Variants in OSBPL10 observed in about 807,000 individuals in gnomAD.
The protein encoded by OSBPL10 is oxysterol-binding protein-related protein 10.
Under a neutral mutation model 81.7 loss-of-function variants are expected in OSBPL10, and 49 were observed. The ratio of observed to expected loss-of-function variants is 0.60; its 90% CI spans 0.48 to 0.76. The LOEUF (loss-of-function observed/expected upper bound fraction) is 0.76. OSBPL10 is among the 30% of genes least tolerant of loss of function. The probability of loss-of-function intolerance (pLI) is 0.00; values close to 1 mark genes in which losing one functional copy is unlikely to be tolerated. For missense variants in OSBPL10, 923 were observed against 987.8 expected, an observed-to-expected ratio of 0.93 and a Z score of 0.88; for synonymous variants, 419 against 383.6, an observed-to-expected ratio of 1.09 and a Z score of -1.08.
chr3:31,867,955 T>G (rs1701223725), intron 3 of OSBPL10, among the ~76,000 whole-genome samples: 1 of 151,934 alleles, frequency 6.6e-6, no homozygotes, highest in Admixed American at 6.6e-5. Context: ...AAACATAGAA[T>G]AGGTCTATGG....
At chr3:31,688,539 G>A (rs975187117) in intron 7 of OSBPL10, among the ~76,000 whole-genome samples, 1 of 152,026 alleles carries the variant, frequency 6.6e-6, no homozygotes, top group Non-Finnish European at 1.5e-5. Flanking sequence ...AGCTCTTAGT[G>A]GATAGACACC....
chr3:31,833,698 C>T (rs1445165977), intron 3 of OSBPL10, among the ~76,000 whole-genome samples: 2 of 118,836 alleles, frequency 1.7e-5, no homozygotes, highest in African/African-American at 4.0e-5. Context: ...AACACGCACA[C>T]GCACACGCAC....
At chr3:31,664,024 C>G (rs919463750) in intron 11 of OSBPL10, 55 bp downstream of exon 11, 2 of 1,613,978 alleles carry the variant, frequency 1.2e-6, no homozygotes, top group Non-Finnish European at 1.7e-6. Flanking sequence ...CCCATCTACC[C>G]TCTCAGGACA....
chr3:31,662,378 A>G, intron 11 of OSBPL10: 1 of 1,210,586 alleles, frequency 8.3e-7, no homozygotes. Flanking sequence ...TTCCATCGAG[A>G]CTGATTACTT....
intron 1 of OSBPL10, among the ~76,000 whole-genome samples, chr3:31,915,576 T>C (rs1199270908): frequency 2.0e-5 from 3 of 152,032 alleles, no homozygotes; most frequent in East Asian, 1.9e-4. Flanking sequence ...ATGGACATAA[T>C]GGTGGCAACA....
At chr3:31,766,443 G>T (rs1036979864) in intron 4 of OSBPL10, among the ~76,000 whole-genome samples, 42 of 150,368 alleles carry the variant, frequency 2.8e-4, no homozygotes, top group Middle Eastern at 3.4e-3. Context: ...CCAGGACTCA[G>T]ATGATCCTCT....
chr3:31,836,618 G>C (rs550256040), intron 3 of OSBPL10, among the ~76,000 whole-genome samples: 1 of 146,588 alleles, frequency 6.8e-6, no homozygotes, highest in South Asian at 2.1e-4. Flanking sequence ...TCCCTAGCCA[G>C]TCTCCAGGGC....
At position 31,972,322 on chromosome 3, in the gene OSBPL10, G is replaced by A. The variant is rs571157106; in HGVS notation, c.281+8577C>T. 1.1e-4 allele frequency among the ~76,000 whole-genome samples: 16 copies of A among 152,312 alleles called. No homozygotes were observed. The South Asian group carries it at 2.7e-3, about 26-fold the overall frequency. The stretch of plus-strand genomic sequence containing the variant: ...AAGAATCGCTTGAACCCAGGAGGTG[G>A]AAGTTGCAGTGAGTGGAGATCACGC... On this transcript the variant is annotated intron_variant, in intron 1 of 11. Coordinates refer to ENST00000396556, the MANE Select transcript of OSBPL10 (RefSeq NM_017784.5).
chr3:32,028,927 G>GACACACACACACAC (rs58442955), intron 2 of OSBPL10, among the ~76,000 whole-genome samples: 40 of 105,716 alleles, frequency 3.8e-4, no homozygotes, highest in African/African-American at 1.2e-3. Flanking sequence ...AGCTAGTCAG[G>GACACACACACACAC]ACACACACAC....
chr3:31,753,914 A>G (rs1275404925), intron 4 of OSBPL10, among the ~76,000 whole-genome samples: 2 of 152,168 alleles, frequency 1.3e-5, no homozygotes, highest in African/African-American at 4.8e-5. Flanking sequence ...GGCAAACAAT[A>G]AAGTCAGCCT....
intron 5 of OSBPL10, among the ~76,000 whole-genome samples, chr3:31,740,677 G>A (rs1697313379): frequency 6.6e-6 from 1 of 151,866 alleles, no homozygotes. Flanking sequence ...TGAGGCAGGA[G>A]GATTGGTTGA....
intron 10 of OSBPL10, among the ~76,000 whole-genome samples, chr3:31,666,626 C>A (rs528097871): frequency 6.6e-6 from 1 of 152,118 alleles, no homozygotes; most frequent in Non-Finnish European, 1.5e-5. Flanking sequence ...ATACAGCAGT[C>A]CCCCTTTACC....
At chr3:32,046,719 T>C (rs1216307660) in intron 1 of OSBPL10, 1 of 152,220 alleles carries the variant, frequency 6.6e-6, no homozygotes, top group Non-Finnish European at 1.5e-5. Context: ...TGCCATACAT[T>C]AACCAAGAGG....
chr3:31,989,812 T>C (rs779171468), intron 2 of OSBPL10: 107 of 1,614,010 alleles, frequency 6.6e-5, no homozygotes, highest in Non-Finnish European at 8.3e-5. Flanking sequence ...TAGCTCACTC[T>C]TAAGGAAACA....
intron 4 of OSBPL10, chr3:31,795,084 A>G (rs539306035): frequency 6.1e-6 from 1 of 163,590 alleles, no homozygotes; most frequent in Non-Finnish European, 1.3e-5. Context: ...AGCATGGCCC[A>G]CCCTTTCATG....
intron 1 of OSBPL10, among the ~76,000 whole-genome samples, chr3:31,898,010 A>C (rs75165100): frequency 5.9e-5 from 2 of 34,028 alleles, no homozygotes; most frequent in African/African-American, 4.1e-4. Flanking sequence ...CTCTGTCAAA[A>C]AAAAAAAAAA....
chr3:31,747,902 G>T lies in OSBPL10; in HGVS notation c.940+8C>A. Reference sequence around the variant, plus strand: ...TCCCAAACATGGACAAGCCCCCGGGGGTCTTACCCGAGGCTCCTGGCTTCT... The same window carrying T: ...TCCCAAACATGGACAAGCCCCCGGGTGTCTTACCCGAGGCTCCTGGCTTCT... On this transcript the variant is annotated splice_region_variant and intron_variant, in intron 5 of 11. Coordinates refer to ENST00000396556, the MANE Select transcript of OSBPL10 (RefSeq NM_017784.5). 3 of 1,612,836 alleles carry T rather than the reference G, an allele frequency of 1.9e-6. No homozygotes were observed. The highest frequency in any genetic ancestry group is 1.3e-5 in the African/African-American group (1 of 74,992).
At chr3:31,970,079 A>C (rs1303682895) in intron 1 of OSBPL10, among the ~76,000 whole-genome samples, 1 of 152,154 alleles carries the variant, frequency 6.6e-6, no homozygotes, top group Non-Finnish European at 1.5e-5. Context: ...ACACACTTTG[A>C]AGTCCGAAAA....
intron 3 of OSBPL10, among the ~76,000 whole-genome samples, chr3:31,876,213 G>T (rs1169227807): frequency 1.3e-5 from 2 of 152,108 alleles, no homozygotes; most frequent in Admixed American, 1.3e-4. Flanking sequence ...TCCAGATTCG[G>T]TTCCCATAGT....
Sources: allele counts gnomAD v4.1 joint callset (sites outside exome capture counted in the v4.1 genomes callset), GRCh38; gene constraint gnomAD v4.1.1; transcripts MANE v1.5; gene names NCBI Gene and HGNC (gene_info 2026-07-23, HGNC 2026-07-21).